The following CFAP300 variants were observed in gnomAD, a reference collection of about 807,000 sequenced individuals.
CFAP300 encodes cilia and flagella associated protein 300, also known as cilia- and flagella-associated protein 300.
A neutral mutation model predicts 33.0 loss-of-function variants in CFAP300; 32 were observed. That is an observed-to-expected ratio of 0.97 (90% CI 0.73 to 1.30). The LOEUF (loss-of-function observed/expected upper bound fraction) is 1.30, where lower values mean the gene tolerates loss of function less well. Among genes scored for constraint, CFAP300 ranks in the 50% most tolerant of loss-of-function variants. The pLI is 0.00. For synonymous variants in CFAP300, 102 were observed against 106.8 expected (o/e 0.95, Z 0.28); for missense variants, 356 against 318.1 (o/e 1.12, Z -0.90).
rs1256139093 is a variant in CFAP300, at chr11:102,082,390, T to A, written c.676-681T>A. Reference sequence around the variant, plus strand: ...TAAGACTCCAACTCCAAAAAAAATTTAAAAAAAAAAAGAGAAAACAAAGAT... The same window carrying A: ...TAAGACTCCAACTCCAAAAAAAATTAAAAAAAAAAAAGAGAAAACAAAGAT... On this transcript the variant is annotated intron_variant, in intron 6 of 6. Coordinates refer to ENST00000434758, the MANE Select transcript of CFAP300 (RefSeq NM_032930.3). Among the ~76,000 whole-genome samples the A allele has an allele frequency of 3.3e-4, 47 of 144,286 alleles. No homozygotes were observed. The East Asian group carries it at 3.4e-3, about 11-fold the overall frequency. 94.7% of individuals were successfully genotyped at this position (144,286 alleles called of 152,430 possible). A position where few individuals can be genotyped will look rare whatever the true frequency, so the allele number is the denominator to read the frequency against.
intron 3 of CFAP300, among the ~76,000 whole-genome samples, chr11:102,064,888 T>C (rs1942199930): frequency 6.6e-6 from 1 of 152,292 alleles, no homozygotes; most frequent in African/African-American, 2.4e-5. Context: ...AGAAAATCCA[T>C]TCCTGAATGA....
At chr11:102,067,870 G>A (rs1183136242) in intron 4 of CFAP300, among the ~76,000 whole-genome samples, 2 of 152,136 alleles carry the variant, frequency 1.3e-5, no homozygotes, top group East Asian at 3.9e-4. Flanking sequence ...TTGTGCCACT[G>A]CACCCCAGTC....
At chr11:102,050,337 G>T (rs1365743479) in intron 2 of CFAP300, among the ~76,000 whole-genome samples, 4 of 152,002 alleles carry the variant, frequency 2.6e-5, no homozygotes, top group African/African-American at 7.2e-5. Flanking sequence ...ATTCAACAAA[G>T]GGCAGAACCC....
At chr11:102,074,187 C>T (rs1269630056) in intron 4 of CFAP300, among the ~76,000 whole-genome samples, 1 of 142,482 alleles carries the variant, frequency 7.0e-6, no homozygotes, top group African/African-American at 2.5e-5. Context: ...AAAATGGTGC[C>T]ATCCTGCAGC....
At chr11:102,072,593 A>T (rs1012788752) in intron 4 of CFAP300, among the ~76,000 whole-genome samples, 1 of 152,030 alleles carries the variant, frequency 6.6e-6, no homozygotes, top group Non-Finnish European at 1.5e-5. Flanking sequence ...GTGAGGTACC[A>T]TGCCTGGCCA....
chr11:102,061,582 A>G (rs570044934), intron 3 of CFAP300, among the ~76,000 whole-genome samples: 1 of 152,330 alleles, frequency 6.6e-6, no homozygotes, highest in East Asian at 1.9e-4. Flanking sequence ...AGGGCATCAT[A>G]CACATTAACT....
intron 4 of CFAP300, 139 bp from the exon 5 acceptor site, chr11:102,075,734 A>T: frequency 3.5e-6 from 2 of 565,912 alleles, no homozygotes; most frequent in Non-Finnish European, 6.1e-6. Flanking sequence ...TGCAGATTAC[A>T]GGTTACTCTC....
intron 3 of CFAP300, among the ~76,000 whole-genome samples, 178 bp downstream of exon 3, chr11:102,059,133 A>G (rs925434743): frequency 6.6e-6 from 1 of 152,204 alleles, no homozygotes; most frequent in Non-Finnish European, 1.5e-5. Context: ...GTCTACTGCT[A>G]CTATGCTGGC....
intron 4 of CFAP300, among the ~76,000 whole-genome samples, chr11:102,073,134 G>C (rs1372908585): frequency 1.3e-5 from 2 of 152,214 alleles, no homozygotes; most frequent in Non-Finnish European, 2.9e-5. Flanking sequence ...TGTGCCAGCA[G>C]TGTTAGTGGT....
intron 2 of CFAP300, among the ~76,000 whole-genome samples, chr11:102,051,719 G>T (rs1209059286): frequency 2.0e-5 from 3 of 151,752 alleles, no homozygotes; most frequent in African/African-American, 4.8e-5. Flanking sequence ...TTATTTATTT[G>T]TTTATTTTTA....
At chr11:102,078,408 T>C (rs1031919441) in intron 5 of CFAP300, among the ~76,000 whole-genome samples, 1 of 152,224 alleles carries the variant, frequency 6.6e-6, no homozygotes, top group Non-Finnish European at 1.5e-5. Flanking sequence ...TATCAGAGGA[T>C]GGAGTTAGTG....
At chr11:102,051,321 TGAG>T (rs1394048732) in intron 2 of CFAP300, among the ~76,000 whole-genome samples, 1 of 152,164 alleles carries the variant, frequency 6.6e-6, no homozygotes, top group African/African-American at 2.4e-5. Flanking sequence ...CTGGGGATGA[TGAG>T]GAGAATTTTC....
chr11:102,062,119 AG>A (rs1189174123), intron 3 of CFAP300, among the ~76,000 whole-genome samples: 1 of 152,174 alleles, frequency 6.6e-6, no homozygotes, highest in Non-Finnish European at 1.5e-5. Context: ...AAGAAGTAAA[AG>A]CACTAGAGCC....
chr11:102,047,783 C>G, intron 1 of CFAP300, 32 bp from the exon 2 acceptor site: 1 of 1,610,736 alleles, frequency 6.2e-7, no homozygotes, highest in South Asian at 1.1e-5. Flanking sequence ...GTGCCAGCCC[C>G]CAGATGATTT....
At position 102,074,834 on chromosome 11, in the gene CFAP300, C is replaced by T. The variant is rs955953505; in HGVS notation, c.436-1039C>T. Among the ~76,000 whole-genome samples the T allele has an allele frequency of 5.0e-4, 76 of 151,832 alleles. 1 individual carries two copies. Among genetic ancestry groups the T allele is most frequent in the Non-Finnish European group, 1.2e-4 (8 of 67,978 alleles). ...CCTCCCACCTCAACCTCCTGATTCA[C>T]TAGGGCTACAGGCATTCACCACCAC... On this transcript the variant is annotated intron_variant, in intron 4 of 6. Transcript: ENST00000434758.
intron 5 of CFAP300, among the ~76,000 whole-genome samples, chr11:102,077,809 G>A (rs112481395): frequency 0.11 from 16,860 of 152,132 alleles, 1,210 homozygotes; most frequent in African/African-American, 0.19. Context: ...ACCTGACCTC[G>A]GGTGATCTGC....
At chr11:102,055,876 A>C (rs1158965170) in intron 2 of CFAP300, among the ~76,000 whole-genome samples, 1 of 150,758 alleles carries the variant, frequency 6.6e-6, no homozygotes, top group Admixed American at 6.6e-5. Flanking sequence ...TCACCGTGTT[A>C]GTCAGGATGG....
chr11:102,083,001 A>G, intron 6 of CFAP300, 70 bp from the exon 7 acceptor site: 2 of 869,994 alleles, frequency 2.3e-6, no homozygotes, highest in Non-Finnish European at 2.9e-6. Context: ...TGTCTCAAAA[A>G]ATAATAATAA....
intron 4 of CFAP300, among the ~76,000 whole-genome samples, chr11:102,068,853 C>T (rs1444375656): frequency 6.6e-6 from 1 of 152,194 alleles, no homozygotes; most frequent in Non-Finnish European, 1.5e-5. Context: ...TTAATTTCTA[C>T]TTCTCCTTAC....
Sources: gnomAD v4.1 joint callset for allele counts (sites outside exome capture counted in the v4.1 genomes callset) on GRCh38, gnomAD v4.1.1 for gene constraint, MANE v1.5 for transcripts, NCBI Gene and HGNC (gene_info 2026-07-23, HGNC 2026-07-21) for gene names.